HTR2C: variants seen among roughly 807,000 people sequenced by gnomAD.
HTR2C encodes 5-hydroxytryptamine receptor 2C.
A neutral mutation model predicts 21.0 loss-of-function variants in HTR2C; 5 were observed. The observed-to-expected ratio is 0.24, with a 90% CI of 0.12 to 0.50. HTR2C has a LOEUF of 0.50. HTR2C is among the 20% of genes least tolerant of loss of function. The pLI is 0.98. For synonymous variants in HTR2C, 150 were observed against 145.3 expected (o/e 1.03, Z -0.23); for missense variants, 271 against 371.2 (o/e 0.73, Z 2.22).
intron 3 of HTR2C, among the ~76,000 whole-genome samples, chrX:114,727,774 A>G (rs184511726): frequency 8.9e-6 from 1 of 111,883 alleles, no homozygotes; most frequent in East Asian, 2.8e-4. Flanking sequence ...GCAACATTGG[A>G]TCCTCTGCAG....
At chrX:114,755,690 A>G (rs1244277232) in intron 4 of HTR2C, among the ~76,000 whole-genome samples, 1 of 110,053 alleles carries the variant, frequency 9.1e-6, no homozygotes, top group African/African-American at 3.3e-5. Flanking sequence ...CCCTACTACA[A>G]CTGGTATATA....
chrX:114,854,241 A>G (rs2070941163), intron 5 of HTR2C, among the ~76,000 whole-genome samples: 1 of 111,603 alleles, frequency 9.0e-6, no homozygotes, highest in South Asian at 3.7e-4. Flanking sequence ...ATCCATCAGC[A>G]TTTAATGTCT....
At chrX:114,644,362 A>AATATATATATATATAT (rs782451317) in intron 2 of HTR2C, among the ~76,000 whole-genome samples, 5 of 38,246 alleles carry the variant, frequency 1.3e-4, no homozygotes, top group Non-Finnish European at 1.3e-4. Flanking sequence ...TAAATAAATA[A>AATATATATATATATAT]ATATATATAT....
intron 2 of HTR2C, among the ~76,000 whole-genome samples, chrX:114,689,781 A>G (rs1442258524): frequency 9.0e-6 from 1 of 111,678 alleles, no homozygotes; most frequent in African/African-American, 3.2e-5. Context: ...TATAATTTTA[A>G]TACAACATTT....
chrX:114,727,901 A>G (rs894485962), intron 3 of HTR2C, among the ~76,000 whole-genome samples: 1 of 111,573 alleles, frequency 9.0e-6, no homozygotes, highest in Non-Finnish European at 1.9e-5. Context: ...GGACAGTGAT[A>G]AAGAAGGGAA....
intron 4 of HTR2C, among the ~76,000 whole-genome samples, chrX:114,781,954 CA>C (rs2070123165): frequency 9.1e-6 from 1 of 109,466 alleles, no homozygotes; most frequent in African/African-American, 3.3e-5. Context: ...TCAAAGACAT[CA>C]AAGACTTAAG....
At chrX:114,703,360 C>G (rs1278282487) in intron 2 of HTR2C, among the ~76,000 whole-genome samples, 1 of 110,902 alleles carries the variant, frequency 9.0e-6, no homozygotes, top group Non-Finnish European at 1.9e-5. Flanking sequence ...AACAAACTGT[C>G]TCTCAGACCA....
intron 2 of HTR2C, among the ~76,000 whole-genome samples, chrX:114,638,832 A>G: frequency 9.3e-6 from 1 of 107,190 alleles, no homozygotes; most frequent in East Asian, 3.0e-4. Context: ...AATTTCATCC[A>G]TGTCCCTACA....
rs2070046013 is a variant in HTR2C, at chrX:114,775,325, A to G, written c.349+43718A>G. The G allele has an allele frequency of 3.0e-5, 16 of 530,274 alleles. No homozygotes were observed. The South Asian group carries it at 3.2e-4, about 10-fold the overall frequency. The allele number at this position is 530,274 out of a possible 1,213,427, so 43.7% of individuals were successfully genotyped here. A position where few individuals can be genotyped will look rare whatever the true frequency, so the allele number is the denominator to read the frequency against. On this transcript the variant is annotated intron_variant, in intron 4 of 5. Transcript: ENST00000276198. ...CAGAGACATTGAGGATGCCATTGGCATCAATGTCAAAAGTGACTTCAATCT... is the reference window on the plus strand; with the variant it reads ...CAGAGACATTGAGGATGCCATTGGCGTCAATGTCAAAAGTGACTTCAATCT...
At chrX:114,851,805 C>A (rs949705616) in intron 5 of HTR2C, among the ~76,000 whole-genome samples, 1 of 111,357 alleles carries the variant, frequency 9.0e-6, no homozygotes, top group African/African-American at 3.3e-5. Context: ...TTACAAGAAA[C>A]CCTTTTAGTG....
intron 2 of HTR2C, among the ~76,000 whole-genome samples, chrX:114,646,110 AG>A (rs1930350829): frequency 8.9e-6 from 1 of 112,047 alleles, no homozygotes; most frequent in Non-Finnish European, 1.9e-5. Flanking sequence ...GATTAATTAA[AG>A]TTTTATATCA....
chrX:114,820,155 G>A (rs1480717730), intron 4 of HTR2C, among the ~76,000 whole-genome samples: 2 of 109,503 alleles, frequency 1.8e-5, no homozygotes, highest in Non-Finnish European at 3.8e-5. Flanking sequence ...TCAGTGGGGG[G>A]CATAGGATTT....
chrX:114,860,508 T>C (rs1556472593), intron 5 of HTR2C, among the ~76,000 whole-genome samples: 1 of 111,382 alleles, frequency 9.0e-6, no homozygotes. Context: ...AATTCACTTA[T>C]AAAGAGCATA....
intron 5 of HTR2C, among the ~76,000 whole-genome samples, chrX:114,856,787 G>C (rs890000317): frequency 9.0e-6 from 1 of 111,263 alleles, no homozygotes; most frequent in Non-Finnish European, 1.9e-5. Flanking sequence ...TTCCCCAAAA[G>C]TACATAGTGA....
chrX:114,633,932 G>GTATATATATA (rs1332332101), intron 2 of HTR2C, among the ~76,000 whole-genome samples: 3 of 89,430 alleles, frequency 3.4e-5, no homozygotes, highest in African/African-American at 1.3e-4. Context: ...ATATGCATGT[G>GTATATATATA]TATATATATA....
At chrX:114,684,389 A>G (rs182397614) in intron 2 of HTR2C, among the ~76,000 whole-genome samples, 3 of 112,130 alleles carry the variant, frequency 2.7e-5, no homozygotes, top group African/African-American at 9.7e-5. Flanking sequence ...TAAAGCTTAT[A>G]CTTATTTTAA....
At chrX:114,737,673 G>T (rs1037206547) in intron 4 of HTR2C, among the ~76,000 whole-genome samples, 6 of 111,878 alleles carry the variant, frequency 5.4e-5, no homozygotes, top group African/African-American at 2.0e-4. Flanking sequence ...AGATTACCTT[G>T]TAGATTTACA....
chrX:114,771,021 C>T (rs1459144138), intron 4 of HTR2C, among the ~76,000 whole-genome samples: 3 of 110,581 alleles, frequency 2.7e-5, no homozygotes, highest in East Asian at 5.7e-4. Context: ...AGGCTGGTCT[C>T]GAACTCCTGA....
intron 2 of HTR2C, among the ~76,000 whole-genome samples, chrX:114,708,041 T>C (rs782790266): frequency 1.8e-5 from 2 of 111,321 alleles, no homozygotes; most frequent in African/African-American, 6.5e-5. Context: ...TTGCTGAGAG[T>C]TGTTTTGTTA....
Sources: gnomAD v4.1 joint callset for allele counts (sites outside exome capture counted in the v4.1 genomes callset) on GRCh38, gnomAD v4.1.1 for gene constraint, MANE v1.5 for transcripts, NCBI Gene and HGNC (gene_info 2026-07-23, HGNC 2026-07-21) for gene names.